STAU1: variants seen among roughly 807,000 people sequenced by gnomAD.
STAU1 encodes the protein staufen double-stranded RNA binding protein 1.
Under a neutral mutation model 62.9 loss-of-function variants are expected in STAU1, and 13 were observed. The ratio of observed to expected loss-of-function variants is 0.21; its 90% CI spans 0.13 to 0.33. The LOEUF (loss-of-function observed/expected upper bound fraction) is 0.33. Ranked by LOEUF, STAU1 falls within the 10% of genes least tolerant of loss-of-function variation. The pLI is 1.00. For synonymous variants in STAU1, 269 were observed against 265.1 expected, an observed-to-expected ratio of 1.01 and a Z score of -0.14; for missense variants, 571 against 712.1, an observed-to-expected ratio of 0.80 and a Z score of 2.25.
At chr20:49,191,589 C>A (rs149999993), upstream of STAU1, among the ~76,000 whole-genome samples, 8 of 152,202 alleles carry the variant, frequency 5.3e-5, no homozygotes, top group African/African-American at 1.9e-4. Flanking sequence ...ACAGGGAACA[C>A]CTGTAGGGTT....
At chr20:49,195,904 A>AAAAAAAAAAAAAAAAAAAAAAG in the STAU1 span, among the ~76,000 whole-genome samples, 6 of 95,268 alleles carry the variant, frequency 6.3e-5, no homozygotes, top group Admixed American at 1.6e-4. Context: ...CTCTCAAAAA[A>AAAAAAAAAAAAAAAAAAAAAAG]AAAAAAAAAA....
the STAU1 span, among the ~76,000 whole-genome samples, chr20:49,211,624 C>T: frequency 5.3e-5 from 8 of 151,994 alleles, no homozygotes; most frequent in Non-Finnish European, 7.3e-5. Flanking sequence ...TCTCCTGTCT[C>T]GGCCTCCTGA....
At chr20:49,175,357 G>A (rs1008148312) in intron 1 of STAU1, among the ~76,000 whole-genome samples, 1 of 151,906 alleles carries the variant, frequency 6.6e-6, no homozygotes, top group Admixed American at 6.6e-5. Context: ...ACAATTGCCT[G>A]GAAGCTGGGT....
intron 9 of STAU1, among the ~76,000 whole-genome samples, chr20:49,118,789 G>C (rs2092394123): frequency 6.6e-6 from 1 of 152,166 alleles, no homozygotes; most frequent in African/African-American, 2.4e-5. Context: ...AATAAATCAA[G>C]AATATTTCCT....
chr20:49,133,380 C>T (rs966283012), intron 6 of STAU1, among the ~76,000 whole-genome samples: 1 of 152,216 alleles, frequency 6.6e-6, no homozygotes, highest in African/African-American at 2.4e-5. Context: ...GCCAGCCAGG[C>T]ATCTCCCACT....
At chr20:49,211,335 T>G in the STAU1 span, among the ~76,000 whole-genome samples, 1 of 152,110 alleles carries the variant, frequency 6.6e-6, no homozygotes, top group South Asian at 2.1e-4. Flanking sequence ...GGGTGTATAC[T>G]TAGGAGTTGA....
chr20:49,187,989 G>A (rs1184940643), intron 1 of STAU1, 127 bp downstream of exon 1: 2 of 151,680 alleles, frequency 1.3e-5, no homozygotes, highest in Non-Finnish European at 2.9e-5. Context: ...GGGCTAGAGA[G>A]AGGCCCGGGA....
intron 1 of STAU1, among the ~76,000 whole-genome samples, chr20:49,174,544 ACC>A (rs2093635305): frequency 6.6e-6 from 1 of 151,216 alleles, no homozygotes; most frequent in East Asian, 1.9e-4. Flanking sequence ...ACATGATGAA[ACC>A]CCATCTCTAC....
chr20:49,176,036 C>T (rs987450221), intron 1 of STAU1, among the ~76,000 whole-genome samples: 21 of 152,174 alleles, frequency 1.4e-4, no homozygotes, highest in East Asian at 5.8e-4. Flanking sequence ...CCTCGTGATC[C>T]GCCCGCCTCG....
At chr20:49,125,253 A>G (rs926027889) in intron 6 of STAU1, among the ~76,000 whole-genome samples, 1 of 144,806 alleles carries the variant, frequency 6.9e-6, no homozygotes, top group Admixed American at 7.0e-5. Flanking sequence ...AATGGGCTGG[A>G]CATGGTGGCT....
chr20:49,207,691 ATT>A, the STAU1 span, among the ~76,000 whole-genome samples: 26,912 of 148,858 alleles, frequency 0.18, 2,699 homozygotes, highest in Middle Eastern at 0.38. Context: ...AATTTTTTGT[ATT>A]TTTTTTTTAG....
At chr20:49,188,589 G>A (rs371433022), upstream of STAU1, among the ~76,000 whole-genome samples, 1 of 152,242 alleles carries the variant, frequency 6.6e-6, no homozygotes, top group Non-Finnish European at 1.5e-5. Context: ...TGTAGTTCTG[G>A]TGGGAGTTTC....
In STAU1 at chr20:49,114,280, G is replaced by C. The variant is rs1483915663; in HGVS notation, c.*598C>G. 2.0e-5 allele frequency: 3 copies of C among 152,692 alleles called. No individual in the cohort carries two copies. Among genetic ancestry groups the C allele is most frequent in the African/African-American group, 7.2e-5 (3 of 41,448 alleles). 9.5% of individuals were successfully genotyped at this position (152,692 alleles called of 1,614,324 possible). ...TTATATAGTGTCATATCAATCAAAA[G>C]AAAATAATGAAACTAAGAATACAGA... On this transcript the variant is annotated 3_prime_UTR_variant, in exon 14 of 14. Transcript: ENST00000371856.
chr20:49,158,684 C>T (rs1291045101), intron 3 of STAU1, among the ~76,000 whole-genome samples: 3 of 151,740 alleles, frequency 2.0e-5, no homozygotes, highest in African/African-American at 7.3e-5. Flanking sequence ...GTGGCATGCA[C>T]CTGTAATTCC....
At chr20:49,210,583 C>T in the STAU1 span, 2 of 447,478 alleles carry the variant, frequency 4.5e-6, no homozygotes, top group Admixed American at 4.9e-5. Flanking sequence ...TTTCCTAACA[C>T]AGACTTTATT....
At chr20:49,189,589 C>CA (rs2093826441), upstream of STAU1, among the ~76,000 whole-genome samples, 1 of 130,180 alleles carries the variant, frequency 7.7e-6, no homozygotes, top group South Asian at 2.4e-4. Context: ...CATTGCACTC[C>CA]AACCTGGGCA....
intron 7 of STAU1, among the ~76,000 whole-genome samples, chr20:49,123,918 T>C (rs550684904): frequency 6.6e-6 from 1 of 152,330 alleles, no homozygotes; most frequent in Non-Finnish European, 1.5e-5. Context: ...AATGCTTTGA[T>C]AGATCCATTA....
chr20:49,189,195 T>G (rs2093824216), upstream of STAU1, among the ~76,000 whole-genome samples: 1 of 73,874 alleles, frequency 1.4e-5, no homozygotes, highest in Non-Finnish European at 2.4e-5. Flanking sequence ...AAAGAGACAC[T>G]GGTCTCAAAA....
chr20:49,176,090 G>A (rs867500959), intron 1 of STAU1, among the ~76,000 whole-genome samples: 2 of 152,154 alleles, frequency 1.3e-5, no homozygotes, highest in South Asian at 2.1e-4. Flanking sequence ...CACCGCGCCC[G>A]GCAATAATGC....
Sources: gnomAD v4.1 joint callset for allele counts (sites outside exome capture counted in the v4.1 genomes callset) on GRCh38, gnomAD v4.1.1 for gene constraint, MANE v1.5 for transcripts, NCBI Gene and HGNC (gene_info 2026-07-23, HGNC 2026-07-21) for gene names.